Variants in PPP3CA observed in about 807,000 individuals in gnomAD.
PPP3CA encodes protein phosphatase 3 catalytic subunit alpha, also known as CAM-PRP catalytic subunit.
In PPP3CA, 14 loss-of-function variants were observed where a neutral mutation model predicts 66.5. The observed-to-expected ratio is 0.21, with a 90% CI of 0.14 to 0.33. PPP3CA has a LOEUF of 0.33. Among genes scored for constraint, PPP3CA ranks in the 10% least tolerant of loss-of-function variants. The pLI is 1.00. For missense variants in PPP3CA, 317 were observed against 639.5 expected, an observed-to-expected ratio of 0.50 and a Z score of 5.44; for synonymous variants, 232 against 226.2, an observed-to-expected ratio of 1.03 and a Z score of -0.23.
chr4:101,089,627 A>T (rs1729822389), intron 6 of PPP3CA, among the ~76,000 whole-genome samples: 1 of 152,204 alleles, frequency 6.6e-6, no homozygotes, highest in African/African-American at 2.4e-5. Flanking sequence ...GATAACCTAA[A>T]CACCAAATCC....
At chr4:101,239,686 A>G (rs1007196101) in intron 1 of PPP3CA, among the ~76,000 whole-genome samples, 3 of 152,094 alleles carry the variant, frequency 2.0e-5, no homozygotes, top group African/African-American at 7.2e-5. Flanking sequence ...TTCTCCAGTC[A>G]CACCCAAGAT....
intron 1 of PPP3CA, among the ~76,000 whole-genome samples, chr4:101,266,977 TC>T (rs1354590950): frequency 6.6e-6 from 1 of 152,220 alleles, no homozygotes; most frequent in South Asian, 2.1e-4. Flanking sequence ...CCCCTAGCTG[TC>T]CTTTTCAGAA....
chr4:101,030,270 T>G (rs1726881947), intron 12 of PPP3CA, among the ~76,000 whole-genome samples: 3 of 152,196 alleles, frequency 2.0e-5, no homozygotes, highest in Admixed American at 6.5e-5. Flanking sequence ...TTTCTTATAA[T>G]TCAAGATTTT....
At chr4:101,179,824 T>C (rs1215769683) in intron 2 of PPP3CA, among the ~76,000 whole-genome samples, 1 of 152,192 alleles carries the variant, frequency 6.6e-6, no homozygotes, top group Non-Finnish European at 1.5e-5. Flanking sequence ...ATTTTTCACA[T>C]CTAACTGACC....
intron 2 of PPP3CA, among the ~76,000 whole-genome samples, chr4:101,189,886 G>A (rs961586589): frequency 7.9e-5 from 12 of 151,798 alleles, no homozygotes; most frequent in African/African-American, 2.4e-4. Context: ...GTCATGGATC[G>A]GAACCAGTCA....
intron 1 of PPP3CA, among the ~76,000 whole-genome samples, chr4:101,281,702 T>C (rs1229987215): frequency 1.3e-5 from 2 of 152,192 alleles, no homozygotes; most frequent in African/African-American, 4.8e-5. Flanking sequence ...CTCAACTAAG[T>C]CAATCGAATG....
intron 1 of PPP3CA, among the ~76,000 whole-genome samples, chr4:101,241,350 G>T (rs2110234077): frequency 6.6e-6 from 1 of 152,112 alleles, no homozygotes; most frequent in South Asian, 2.1e-4. Flanking sequence ...TATGTGGAAG[G>T]CCTTTGTAAA....
intron 2 of PPP3CA, among the ~76,000 whole-genome samples, chr4:101,195,453 G>A (rs559480729): frequency 6.6e-6 from 1 of 152,036 alleles, no homozygotes; most frequent in Non-Finnish European, 1.5e-5. Context: ...AGGCTGGAGT[G>A]GGGCCTAAGA....
intron 2 of PPP3CA, among the ~76,000 whole-genome samples, chr4:101,124,801 GA>G (rs1722194850): frequency 7.7e-6 from 1 of 129,860 alleles, no homozygotes; most frequent in African/African-American, 3.0e-5. Flanking sequence ...GAAAGAAAGA[GA>G]AAACTGTATT....
chr4:101,333,254 T>G (rs866677517), intron 1 of PPP3CA, among the ~76,000 whole-genome samples: 1 of 139,376 alleles, frequency 7.2e-6, no homozygotes, highest in Non-Finnish European at 1.5e-5. Flanking sequence ...ACTACAGGCA[T>G]GCACTACCAT....
chr4:101,155,506 C>G (rs985986243), intron 2 of PPP3CA, among the ~76,000 whole-genome samples: 2 of 152,140 alleles, frequency 1.3e-5, no homozygotes, highest in Admixed American at 6.5e-5. Context: ...GCAAGCACTC[C>G]AAGATCAGAA....
At chr4:101,089,557 A>T (rs1030761375) in intron 6 of PPP3CA, among the ~76,000 whole-genome samples, 1 of 152,224 alleles carries the variant, frequency 6.6e-6, no homozygotes, top group African/African-American at 2.4e-5. Context: ...ACTCATTTTG[A>T]AGCAAGGTAA....
chr4:101,137,833 T>C (rs1722672009), intron 2 of PPP3CA, among the ~76,000 whole-genome samples: 1 of 142,238 alleles, frequency 7.0e-6, no homozygotes, highest in Admixed American at 7.3e-5. Context: ...GGGCTGAGAG[T>C]AGGTACACAT....
chr4:101,030,543 TG>T (rs1435662924), intron 12 of PPP3CA, among the ~76,000 whole-genome samples: 1 of 152,180 alleles, frequency 6.6e-6, no homozygotes, highest in Non-Finnish European at 1.5e-5. Flanking sequence ...TGTGTATGTG[TG>T]TTTGTGTGTA....
intron 1 of PPP3CA, among the ~76,000 whole-genome samples, chr4:101,197,770 G>A (rs1298796044): frequency 6.6e-6 from 1 of 152,012 alleles, no homozygotes; most frequent in African/African-American, 2.4e-5. Context: ...TAACATTACT[G>A]TACAGGAGAA....
chr4:101,347,113 A>C lies in PPP3CA; in HGVS notation c.-317T>G. ...CGGTTCTTCTTTTATTCTTGGGGGA[A>C]GGGGGATGGGGAGGAGAAGCGCACA... On this transcript the variant is annotated 5_prime_UTR_variant, in exon 1 of 14. Coordinates refer to ENST00000394854, the MANE Select transcript of PPP3CA (RefSeq NM_000944.5). The C allele has an allele frequency of 4.1e-6, 2 of 484,872 alleles. No individual in the cohort carries two copies. Among genetic ancestry groups the C allele is most frequent in the Middle Eastern group, 5.8e-4 (1 of 1,734 alleles). 30.0% of individuals were successfully genotyped at this position (484,872 alleles called of 1,614,324 possible). A position where few individuals can be genotyped will look rare whatever the true frequency, so the allele number is the denominator to read the frequency against.
intron 2 of PPP3CA, among the ~76,000 whole-genome samples, chr4:101,166,677 C>T (rs1299817847): frequency 6.6e-6 from 1 of 152,130 alleles, no homozygotes; most frequent in Non-Finnish European, 1.5e-5. Flanking sequence ...GGTTATTACA[C>T]TCTATGAAGC....
chr4:101,050,213 A>G (rs1174274731), intron 10 of PPP3CA, among the ~76,000 whole-genome samples: 3 of 152,118 alleles, frequency 2.0e-5, no homozygotes, highest in African/African-American at 7.2e-5. Context: ...CAACAGACGC[A>G]TAGTAAAGTA....
intron 8 of PPP3CA, among the ~76,000 whole-genome samples, chr4:101,074,116 A>G (rs1729041665): frequency 6.6e-6 from 1 of 152,222 alleles, no homozygotes; most frequent in African/African-American, 2.4e-5. Context: ...AAAAGTCAAT[A>G]CTAAAAGTTA....
Sources: gnomAD v4.1 joint callset for allele counts (sites outside exome capture counted in the v4.1 genomes callset) on GRCh38, gnomAD v4.1.1 for gene constraint, MANE v1.5 for transcripts, NCBI Gene and HGNC (gene_info 2026-07-23, HGNC 2026-07-21) for gene names.